Variants in SLC9A9 observed in about 807,000 individuals in gnomAD.
The protein encoded by SLC9A9 is sodium/hydrogen exchanger 9.
SLC9A9 carries 62 observed loss-of-function variants against 77.8 expected under a neutral mutation model. The ratio of observed to expected loss-of-function variants is 0.80; its 90% CI spans 0.65 to 0.98. The LOEUF is 0.98. SLC9A9 is among the 50% of genes least tolerant of loss of function. The pLI is 0.00. For synonymous variants in SLC9A9, 320 were observed against 283.5 expected, an observed-to-expected ratio of 1.13 and a Z score of -1.29; for missense variants, 775 against 774.9, an observed-to-expected ratio of 1.00 and a Z score of 0.00.
intron 4 of SLC9A9, among the ~76,000 whole-genome samples, chr3:143,710,916 C>T (rs1470237343): frequency 6.6e-6 from 1 of 152,166 alleles, no homozygotes; most frequent in Non-Finnish European, 1.5e-5. Flanking sequence ...AAATGCAACT[C>T]TCTGGATTTT....
chr3:143,444,390 C>G (rs2034805549), intron 12 of SLC9A9, among the ~76,000 whole-genome samples: 1 of 152,180 alleles, frequency 6.6e-6, no homozygotes, highest in Non-Finnish European at 1.5e-5. Context: ...TATCATGAAG[C>G]CCAGGCAGAT....
intron 14 of SLC9A9, among the ~76,000 whole-genome samples, chr3:143,296,962 C>T (rs1425691725): frequency 6.6e-6 from 1 of 152,156 alleles, no homozygotes; most frequent in Non-Finnish European, 1.5e-5. Context: ...ATATTTTCTT[C>T]CATTCTACAG....
intron 2 of SLC9A9, among the ~76,000 whole-genome samples, chr3:143,820,060 T>C (rs553767645): frequency 6.6e-6 from 1 of 152,268 alleles, no homozygotes; most frequent in African/African-American, 2.4e-5. Context: ...GCACTTACTA[T>C]GAGCCAGACA....
chr3:143,269,303 A>G (rs1187951346), intron 14 of SLC9A9, among the ~76,000 whole-genome samples: 1 of 152,242 alleles, frequency 6.6e-6, no homozygotes, highest in Non-Finnish European at 1.5e-5. Context: ...ACCTTAAAGG[A>G]TAACATAAAA....
At chr3:143,392,678 C>T (rs917753050) in intron 12 of SLC9A9, among the ~76,000 whole-genome samples, 1 of 152,056 alleles carries the variant, frequency 6.6e-6, no homozygotes, top group East Asian at 1.9e-4. Context: ...GAGTCAAGAC[C>T]CATCAGTGTG....
At chr3:143,369,583 A>G (rs2032995766) in intron 13 of SLC9A9, among the ~76,000 whole-genome samples, 1 of 152,166 alleles carries the variant, frequency 6.6e-6, no homozygotes. Context: ...CATTGCATAC[A>G]TGTATCAAAT....
chr3:143,562,792 A>G (rs2037108581), intron 8 of SLC9A9, among the ~76,000 whole-genome samples: 1 of 151,872 alleles, frequency 6.6e-6, no homozygotes, highest in Non-Finnish European at 1.5e-5. Context: ...AAGATCTTAG[A>G]TTTAAATTGG....
chr3:143,392,266 T>C (rs2033589893), intron 12 of SLC9A9, among the ~76,000 whole-genome samples: 1 of 152,198 alleles, frequency 6.6e-6, no homozygotes, highest in Admixed American at 6.5e-5. Flanking sequence ...GCAGAAACTC[T>C]ACAAGCCAGA....
At chr3:143,318,823 A>G (rs550323252) in intron 14 of SLC9A9, among the ~76,000 whole-genome samples, 2 of 152,172 alleles carry the variant, frequency 1.3e-5, no homozygotes, top group Admixed American at 1.3e-4. Flanking sequence ...CAAGGCAAAG[A>G]GGGTTAGTGA....
intron 4 of SLC9A9, among the ~76,000 whole-genome samples, chr3:143,785,706 T>A (rs2008027529): frequency 6.6e-6 from 1 of 152,032 alleles, no homozygotes; most frequent in Admixed American, 6.6e-5. Context: ...AGCGTGTGTG[T>A]GTAGAAGCAG....
chr3:143,771,151 AGT>A (rs1445659436), intron 4 of SLC9A9, among the ~76,000 whole-genome samples: 1 of 152,208 alleles, frequency 6.6e-6, no homozygotes, highest in African/African-American at 2.4e-5. Flanking sequence ...CCTCCCCTGT[AGT>A]GTTCTACTTG....
chr3:143,374,455 A>G (rs967703213), intron 13 of SLC9A9, among the ~76,000 whole-genome samples: 11 of 149,794 alleles, frequency 7.3e-5, no homozygotes, highest in Non-Finnish European at 1.5e-4. Flanking sequence ...AAGAAAAAAC[A>G]TGGAGGCCAG....
chr3:143,676,581 A>G (rs1932896805), intron 5 of SLC9A9, among the ~76,000 whole-genome samples: 1 of 152,012 alleles, frequency 6.6e-6, no homozygotes, highest in Admixed American at 6.5e-5. Flanking sequence ...TACCAAAAAT[A>G]CAAAAATTAG....
intron 12 of SLC9A9, among the ~76,000 whole-genome samples, chr3:143,414,680 C>T (rs568280896): frequency 6.6e-6 from 1 of 152,300 alleles, no homozygotes; most frequent in African/African-American, 2.4e-5. Flanking sequence ...CACTTGCTAG[C>T]TGTTTCCCTC....
intron 13 of SLC9A9, among the ~76,000 whole-genome samples, chr3:143,376,221 C>T (rs2033178013): frequency 6.6e-6 from 1 of 152,094 alleles, no homozygotes; most frequent in South Asian, 2.1e-4. Context: ...TGAGAATATG[C>T]TTGATACTCT....
intron 5 of SLC9A9, among the ~76,000 whole-genome samples, chr3:143,654,994 A>C (rs2038864090): frequency 6.6e-6 from 1 of 152,238 alleles, no homozygotes; most frequent in Admixed American, 6.5e-5. Flanking sequence ...GTCCCACACA[A>C]AAGAGAAAAC....
At chr3:143,437,565 A>G (rs2034645790) in intron 12 of SLC9A9, among the ~76,000 whole-genome samples, 1 of 152,244 alleles carries the variant, frequency 6.6e-6, no homozygotes, top group Non-Finnish European at 1.5e-5. Context: ...GATATCTACT[A>G]GAAGAACGTT....
intron 14 of SLC9A9, among the ~76,000 whole-genome samples, chr3:143,298,603 T>G (rs927645567): frequency 1.1e-4 from 16 of 152,234 alleles, no homozygotes; most frequent in Admixed American, 1.0e-3. Flanking sequence ...GATTTCTAAG[T>G]GTTTCAGGAT....
At chr3:143,700,231 C>A (rs1933757786) in intron 4 of SLC9A9, among the ~76,000 whole-genome samples, 1 of 152,128 alleles carries the variant, frequency 6.6e-6, no homozygotes, top group South Asian at 2.1e-4. Flanking sequence ...CTGAGACTTG[C>A]TGATTTCAGG....
Sources: gnomAD v4.1 joint callset for allele counts (sites outside exome capture counted in the v4.1 genomes callset) on GRCh38, gnomAD v4.1.1 for gene constraint, MANE v1.5 for transcripts, NCBI Gene and HGNC (gene_info 2026-07-23, HGNC 2026-07-21) for gene names.